Variants in DAPK1 observed in about 807,000 individuals in gnomAD.
The protein encoded by DAPK1 is death-associated protein kinase 1.
Under a neutral mutation model 144.9 loss-of-function variants are expected in DAPK1, and 56 were observed. That is an observed-to-expected ratio of 0.39 (90% confidence interval 0.31 to 0.48). The LOEUF (loss-of-function observed/expected upper bound fraction) is 0.48. Among genes scored for constraint, DAPK1 ranks in the 20% least tolerant of loss-of-function variants. The probability of loss-of-function intolerance (pLI) is 0.95; values close to 1 mark genes in which losing one functional copy is unlikely to be tolerated. For synonymous variants in DAPK1, 690 were observed against 749.0 expected (o/e 0.92, Z 1.29); for missense variants, 1,454 against 1,875.4 (o/e 0.78, Z 4.15).
At chr9:87,623,458 G>A (rs1316660762) in intron 3 of DAPK1, among the ~76,000 whole-genome samples, 2 of 152,128 alleles carry the variant, frequency 1.3e-5, no homozygotes, top group Non-Finnish European at 2.9e-5. Context: ...GGCACAGTTG[G>A]CAGAGCTAAC....
At chr9:87,666,815 A>AG (rs909573214) in intron 18 of DAPK1, among the ~76,000 whole-genome samples, 1 of 152,024 alleles carries the variant, frequency 6.6e-6, no homozygotes, top group Non-Finnish European at 1.5e-5. Context: ...GACTTTGAAG[A>AG]GGTTGAACAG....
intron 19 of DAPK1, among the ~76,000 whole-genome samples, chr9:87,680,673 A>ACG (rs367667756): frequency 6.6e-6 from 1 of 151,882 alleles, no homozygotes; most frequent in East Asian, 1.9e-4. Context: ...ACACACACAC[A>ACG]TTGAAGGCTT....
At chr9:87,531,030 G>A (rs1034611403) in intron 2 of DAPK1, among the ~76,000 whole-genome samples, 2 of 152,198 alleles carry the variant, frequency 1.3e-5, no homozygotes, top group East Asian at 3.8e-4. Flanking sequence ...CCTTTGGATA[G>A]TCAAGTGGAA....
At chr9:87,639,235 C>A in intron 4 of DAPK1, 119 bp from the exon 5 acceptor site, 1 of 929,878 alleles carries the variant, frequency 1.1e-6, no homozygotes, top group Non-Finnish European at 1.6e-6. Context: ...CTCTTCCAAC[C>A]ACCCTTTCTT....
chr9:87,557,342 G>C (rs1294502698), intron 2 of DAPK1, among the ~76,000 whole-genome samples: 1 of 152,168 alleles, frequency 6.6e-6, no homozygotes, highest in Non-Finnish European at 1.5e-5. Context: ...GTACCTTCCT[G>C]TCGTGTTCTT....
At chr9:87,500,993 T>A (rs1453755670) in intron 2 of DAPK1, among the ~76,000 whole-genome samples, 3 of 152,220 alleles carry the variant, frequency 2.0e-5, no homozygotes, top group Non-Finnish European at 4.4e-5. Flanking sequence ...TTGGAAAATT[T>A]TTCAAGTCCT....
At chr9:87,643,026 T>A (rs1025716616) in intron 10 of DAPK1, among the ~76,000 whole-genome samples, 1 of 152,066 alleles carries the variant, frequency 6.6e-6, no homozygotes, top group Non-Finnish European at 1.5e-5. Flanking sequence ...CTGAGGGTGA[T>A]CTGCAAGGGT....
At chr9:87,567,644 C>T (rs1587725703) in intron 2 of DAPK1, among the ~76,000 whole-genome samples, 1 of 152,264 alleles carries the variant, frequency 6.6e-6, no homozygotes, top group East Asian at 1.9e-4. Flanking sequence ...CACTGGCACG[C>T]TTGCCATGGT....
At chr9:87,536,178 G>C (rs927537337) in intron 2 of DAPK1, among the ~76,000 whole-genome samples, 1 of 152,296 alleles carries the variant, frequency 6.6e-6, no homozygotes, top group South Asian at 2.1e-4. Flanking sequence ...CTTCCCTAAA[G>C]CTACAGCCTC....
intron 2 of DAPK1, among the ~76,000 whole-genome samples, chr9:87,530,898 A>T (rs1040464884): frequency 2.5e-5 from 2 of 80,918 alleles, no homozygotes; most frequent in Non-Finnish European, 4.7e-5. Flanking sequence ...CTCCATATTC[A>T]TGCAGGTCTC....
chr9:87,549,586 T>C (rs1826396258), intron 2 of DAPK1, among the ~76,000 whole-genome samples: 1 of 152,206 alleles, frequency 6.6e-6, no homozygotes. Flanking sequence ...TCACACAATT[T>C]AAATTAGTTT....
At chr9:87,515,032 G>C (rs1824994297) in intron 2 of DAPK1, among the ~76,000 whole-genome samples, 1 of 152,198 alleles carries the variant, frequency 6.6e-6, no homozygotes, top group Non-Finnish European at 1.5e-5. Context: ...AAAAGCTGGA[G>C]AACCCGAGTA....
chr9:87,660,400 A>G (rs1252641455), intron 18 of DAPK1, among the ~76,000 whole-genome samples: 1 of 152,216 alleles, frequency 6.6e-6, no homozygotes, highest in Non-Finnish European at 1.5e-5. Flanking sequence ...GGAAGAAGGA[A>G]AAAGAAACAG....
chr9:87,632,174 G>A, intron 3 of DAPK1: 3 of 886,240 alleles, frequency 3.4e-6, no homozygotes, highest in African/African-American at 1.8e-5. Context: ...AGATGAAGGA[G>A]TATGAGTATA....
intron 2 of DAPK1, among the ~76,000 whole-genome samples, chr9:87,582,930 C>G (rs1042530572): frequency 2.6e-5 from 4 of 152,024 alleles, no homozygotes; most frequent in Non-Finnish European, 2.9e-5. Flanking sequence ...ACAGGAGCAG[C>G]AGCAGCAGCA....
chr9:87,605,740 C>T (rs898697533), intron 3 of DAPK1, among the ~76,000 whole-genome samples: 6 of 152,282 alleles, frequency 3.9e-5, no homozygotes, highest in Non-Finnish European at 5.9e-5. Flanking sequence ...AAGCCATGCC[C>T]GTCGGATGTT....
At chr9:87,592,022 C>T (rs36205763) in intron 2 of DAPK1, among the ~76,000 whole-genome samples, 15,427 of 152,252 alleles carry the variant, frequency 0.1, 1,431 homozygotes, top group African/African-American at 0.25. Context: ...GGGCCATTGC[C>T]ACCATTTCCT....
chr9:87,549,622 C>T (rs558026526), intron 2 of DAPK1, among the ~76,000 whole-genome samples: 1 of 152,278 alleles, frequency 6.6e-6, no homozygotes, highest in East Asian at 1.9e-4. Context: ...ATGAAGAACA[C>T]TTCTCATCAC....
chr9:87,546,851 A>G lies in DAPK1; in HGVS notation c.62+47712A>G, dbSNP rs540512089. ...CCTAGAGCAATCTGCATTCCATATT[A>G]GCTTTATAAAGAAAAAAAAAATCAG... On this transcript the variant is annotated intron_variant, in intron 2 of 25. Transcript: ENST00000408954. Among the ~76,000 whole-genome samples the G allele has an allele frequency of 5.3e-5, 8 of 151,298 alleles. No homozygotes were observed. In the South Asian group the frequency reaches 1.5e-3, roughly 28 times the overall value.
Sources: gnomAD v4.1 joint callset for allele counts (sites outside exome capture counted in the v4.1 genomes callset) on GRCh38, gnomAD v4.1.1 for gene constraint, MANE v1.5 for transcripts, NCBI Gene and HGNC (gene_info 2026-07-23, HGNC 2026-07-21) for gene names.